The following ITPKB variants were observed in gnomAD, a reference collection of about 807,000 sequenced individuals.
ITPKB encodes the protein IP3 3-kinase B.
ITPKB carries 13 observed loss-of-function variants against 69.4 expected under a neutral mutation model. The observed-to-expected ratio is 0.19, with a 90% confidence interval of 0.12 to 0.30. ITPKB has a LOEUF of 0.30. Among genes scored for constraint, ITPKB ranks in the 10% least tolerant of loss-of-function variants. The pLI, the probability that ITPKB is intolerant of heterozygous loss-of-function variation, is 1.00. For synonymous variants in ITPKB, 584 were observed against 513.7 expected (o/e 1.14, Z -1.85); for missense variants, 1,240 against 1,250.5 (o/e 0.99, Z 0.13).
At chr1:226,683,625 G>A (rs1656136139) in intron 2 of ITPKB, among the ~76,000 whole-genome samples, 1 of 152,042 alleles carries the variant, frequency 6.6e-6, no homozygotes, top group Non-Finnish European at 1.5e-5. Flanking sequence ...GCGGGGGAAG[G>A]GGAGTGTAGA....
At chr1:226,690,062 G>GTGCTGCAATGAACATAAACA (rs1656312091) in intron 2 of ITPKB, among the ~76,000 whole-genome samples, 1 of 152,164 alleles carries the variant, frequency 6.6e-6, no homozygotes, top group Non-Finnish European at 1.5e-5. Flanking sequence ...TTATGGAACA[G>GTGCTGCAATGAACATAAACA]TGCTGCAATG....
At chr1:226,690,491 C>T (rs1299292261) in intron 2 of ITPKB, among the ~76,000 whole-genome samples, 1 of 151,786 alleles carries the variant, frequency 6.6e-6, no homozygotes, top group Non-Finnish European at 1.5e-5. Flanking sequence ...AGTAAACACA[C>T]TCTCCAGGAC....
intron 2 of ITPKB, among the ~76,000 whole-genome samples, chr1:226,663,499 ATTTC>A (rs1358379131): frequency 6.7e-6 from 1 of 149,318 alleles, no homozygotes; most frequent in East Asian, 2.0e-4. Flanking sequence ...ATGATTCAAC[ATTTC>A]TTTCTTTTCT....
chr1:226,667,845 T>C (rs1199570133), intron 2 of ITPKB, among the ~76,000 whole-genome samples: 1 of 151,938 alleles, frequency 6.6e-6, no homozygotes, highest in Non-Finnish European at 1.5e-5. Flanking sequence ...TGTGTGTGTG[T>C]GTGTGTGTGC....
Position 226,705,826 on chromosome 1 carries a change from C to T in ITPKB, c.1932+29701G>A, listed in dbSNP as rs1410813707. Reference sequence around the variant, plus strand: ...TTGAGGCCCGAATCATTTCTTAGGACTCCCTGTCAGGCAGGTCATTTGAGG... The same window carrying T: ...TTGAGGCCCGAATCATTTCTTAGGATTCCCTGTCAGGCAGGTCATTTGAGG... On this transcript the variant is annotated intron_variant, in intron 2 of 7. Transcript: ENST00000429204. 2.6e-5 allele frequency among the ~76,000 whole-genome samples: 4 copies of T among 152,226 alleles called. No homozygotes were observed. In the East Asian group the frequency reaches 7.7e-4, roughly 29 times the overall value.
chr1:226,727,004 C>G (rs554583123), intron 2 of ITPKB, among the ~76,000 whole-genome samples: 1 of 152,286 alleles, frequency 6.6e-6, no homozygotes, highest in African/African-American at 2.4e-5. Context: ...ATCTCATTGT[C>G]ATACACAGGC....
chr1:226,685,845 C>T lies in ITPKB; in HGVS notation c.1933-37074G>A, dbSNP rs74334291. Among the ~76,000 whole-genome samples, 296 of 152,300 alleles carry T rather than the reference C, an allele frequency of 1.9e-3. 2 individuals are homozygous for T. The highest frequency in any genetic ancestry group is 6.7e-3 in the African/African-American group (280 of 41,562). ...CTTTCTCATCCATGAAGCTCTGGAGCTGGGGAAATGAAGCGGCTGGCTGCT... is the reference window on the plus strand; with the variant it reads ...CTTTCTCATCCATGAAGCTCTGGAGTTGGGGAAATGAAGCGGCTGGCTGCT... On this transcript the variant is annotated intron_variant, in intron 2 of 7. Transcript: ENST00000429204.
Position 226,736,570 on chromosome 1 carries a change from C to G in ITPKB, c.889G>C (p.Gly297Arg). Reference sequence around the variant, plus strand: ...TCCGTGGCCATCGTTAAGCTAGCTCCGAACAGCCCCAATGAGGGAGCTAGG... The same window carrying G: ...TCCGTGGCCATCGTTAAGCTAGCTCGGAACAGCCCCAATGAGGGAGCTAGG... Reference protein sequence around the residue: ...SCLAPSLGLFGASLTMATEVA... With the variant: ...SCLAPSLGLFRASLTMATEVA... The change falls in exon 2 of 8, where the codon GGA becomes CGA. Residue 297 changes from glycine to arginine, a missense_variant. By Grantham distance (125) the Gly-to-Arg change is moderately radical. Coordinates refer to ENST00000429204, the MANE Select transcript of ITPKB (RefSeq NM_002221.4). The G allele has an allele frequency of 6.2e-7, 1 of 1,613,986 alleles. No individual in the cohort carries two copies. Among genetic ancestry groups the G allele is most frequent in the South Asian group, 1.1e-5 (1 of 91,090 alleles).
At chr1:226,729,399 T>C (rs1042515584) in intron 2 of ITPKB, among the ~76,000 whole-genome samples, 2 of 150,176 alleles carry the variant, frequency 1.3e-5, no homozygotes, top group African/African-American at 2.5e-5. Context: ...GGAGAATTGC[T>C]TGAATCCGGG....
chr1:226,725,519 A>G (rs1483820889), intron 2 of ITPKB, among the ~76,000 whole-genome samples: 1 of 152,216 alleles, frequency 6.6e-6, no homozygotes, highest in Non-Finnish European at 1.5e-5. Flanking sequence ...TTCACTTTCC[A>G]TGACACAGAA....
chr1:226,736,796 T>C lies in ITPKB; in HGVS notation c.663A>G (p.Gly221=). ...ETSGTDSGRK[G]GPSLCSSQVK... The stretch of plus-strand genomic sequence containing the variant: ...CCTGCGAGGAGCATAGGCTGGGCCC[T>C]CCTTTCCTCCCGGAGTCGGTTCCTG... Residue 221 remains glycine (G), a synonymous_variant, in exon 2 of 8, where the codon GGA becomes GGG. Coordinates refer to ENST00000429204, the MANE Select transcript of ITPKB (RefSeq NM_002221.4). The C allele has an allele frequency of 6.2e-7, 1 of 1,613,060 alleles. No homozygotes were observed. Among genetic ancestry groups the C allele is most frequent in the Non-Finnish European group, 8.5e-7 (1 of 1,180,012 alleles).
intron 2 of ITPKB, among the ~76,000 whole-genome samples, chr1:226,727,292 T>G (rs1473664559): frequency 6.6e-6 from 1 of 152,194 alleles, no homozygotes; most frequent in Non-Finnish European, 1.5e-5. Flanking sequence ...CAGTCAGTCA[T>G]CAATTGCCAT....
At position 226,714,422 on chromosome 1, in the gene ITPKB, C is replaced by T. The variant is rs114203897; in HGVS notation, c.1932+21105G>A. On this transcript the variant is annotated intron_variant, in intron 2 of 7. Coordinates refer to ENST00000429204, the MANE Select transcript of ITPKB (RefSeq NM_002221.4). Reference sequence around the variant, plus strand: ...GTTACTGCAACATAACCTAGCTCATCCTGACTAACACAACACCTTTGATTT... The same window carrying T: ...GTTACTGCAACATAACCTAGCTCATTCTGACTAACACAACACCTTTGATTT... 4.3e-3 allele frequency among the ~76,000 whole-genome samples: 650 copies of T among 152,300 alleles called. 7 individuals carry two copies. The highest frequency in any genetic ancestry group is 0.015 in the African/African-American group (607 of 41,556).
At chr1:226,690,224 T>C (rs1255681123) in intron 2 of ITPKB, among the ~76,000 whole-genome samples, 2 of 152,222 alleles carry the variant, frequency 1.3e-5, no homozygotes, top group Non-Finnish European at 2.9e-5. Flanking sequence ...TAATTTACAC[T>C]CACACCAACA....
At chr1:226,673,421 G>C (rs1669660477) in intron 2 of ITPKB, among the ~76,000 whole-genome samples, 1 of 152,172 alleles carries the variant, frequency 6.6e-6, no homozygotes, top group Admixed American at 6.5e-5. Flanking sequence ...TGAAGGTATA[G>C]GTGCTGTCTT....
intron 2 of ITPKB, among the ~76,000 whole-genome samples, chr1:226,661,217 A>T (rs527290711): frequency 1.3e-5 from 2 of 152,274 alleles, no homozygotes; most frequent in African/African-American, 4.8e-5. Flanking sequence ...TTTATAGCCC[A>T]CAGAGAGGTA....
At chr1:226,655,559 T>G (rs1403327705) in intron 2 of ITPKB, among the ~76,000 whole-genome samples, 1 of 152,242 alleles carries the variant, frequency 6.6e-6, no homozygotes, top group Non-Finnish European at 1.5e-5. Context: ...GCGGTGAGGA[T>G]GCAACCAGAC....
Position 226,736,187 on chromosome 1 carries a change from C to G in ITPKB, c.1272G>C (p.Glu424Asp). 6.5e-7 allele frequency: 1 copy of G among 1,544,846 alleles called. No individual in the cohort carries two copies. Among genetic ancestry groups the G allele is most frequent in the Non-Finnish European group, 8.7e-7 (1 of 1,147,738 alleles). ...LPRALASVGP[E>D]EARSGAPVGG... ...CCACGGGGGCCCCACTTCGGGCCTC[C>G]TCAGGGCCTACGGAGGCCAGGGCCC... is the stretch of plus-strand genomic sequence containing the variant. Residue 424 changes from glutamate (E) to aspartate (D), a missense_variant, in exon 2 of 8, where the codon GAG (glutamate) becomes GAC (aspartate). Around this residue, in one of 2 missense-constraint regions of ITPKB, gnomAD observed 992 missense variants for 853.8 expected, o/e 1.16. Coordinates refer to ENST00000429204, the MANE Select transcript of ITPKB (RefSeq NM_002221.4).
At chr1:226,733,908 G>T (rs1277429136) in intron 2 of ITPKB, among the ~76,000 whole-genome samples, 1 of 152,198 alleles carries the variant, frequency 6.6e-6, no homozygotes, top group Non-Finnish European at 1.5e-5. Flanking sequence ...CCAGCCAATA[G>T]AAGTTGCTAA....
Sources: allele counts gnomAD v4.1 joint callset (sites outside exome capture counted in the v4.1 genomes callset), GRCh38; gene constraint gnomAD v4.1.1; regional missense constraint gnomAD v4.1.1; transcripts MANE v1.5; gene names NCBI Gene and HGNC (gene_info 2026-07-23, HGNC 2026-07-21).